The following SSUH2 variants were observed in gnomAD, a reference collection of about 807,000 sequenced individuals.
SSUH2 encodes protein SSUH2 homolog.
Under a neutral mutation model 55.3 loss-of-function variants are expected in SSUH2, and 47 were observed. The observed-to-expected ratio is 0.85, with a 90% CI of 0.67 to 1.08. The LOEUF is 1.08. SSUH2 is among the 50% of genes least tolerant of loss of function. SSUH2 has a pLI of 0.00. For missense variants in SSUH2, 535 were observed against 490.7 expected (o/e 1.09, Z -0.85); for synonymous variants, 212 against 191.5 (o/e 1.11, Z -0.89).
intron 5 of SSUH2, among the ~76,000 whole-genome samples, chr3:8,664,326 C>T (rs747775906): frequency 1.3e-5 from 2 of 152,222 alleles, no homozygotes; most frequent in Non-Finnish European, 2.9e-5. Flanking sequence ...ATCCATGGGG[C>T]AGGAATGCCA....
rs1415604211 is a variant in SSUH2, at chr3:8,629,656, T to TGACTCACCAGTGGTTCACAGAC, written c.588+7_588+8insGTCTGTGAACCACTGGTGAGTC. On this transcript the variant is annotated splice_region_variant and intron_variant, in intron 7 of 11. Coordinates refer to ENST00000544814, the MANE Select transcript of SSUH2 (RefSeq NM_001256748.3). ...CACTGACTCACCAGTGGTTCACAGA[T>TGACTCACCAGTGGTTCACAGAC]GACTCACCGTGCCCGCCCCGTGGCA... 1.2e-6 allele frequency: 2 copies of TGACTCACCAGTGGTTCACAGAC among 1,614,096 alleles called. No individual in the cohort carries two copies. Among genetic ancestry groups the TGACTCACCAGTGGTTCACAGAC allele is most frequent in the Non-Finnish European group, 1.7e-6 (2 of 1,179,986 alleles).
chr3:8,626,086 A>G (rs928644736), intron 9 of SSUH2, 143 bp downstream of exon 9: 8 of 707,954 alleles, frequency 1.1e-5, no homozygotes, highest in Non-Finnish European at 2.0e-5. Context: ...GCCTCTTCCA[A>G]GGGAATTCTC....
intron 4 of SSUH2, among the ~76,000 whole-genome samples, chr3:8,633,174 G>A (rs1445281114): frequency 8.5e-5 from 11 of 128,794 alleles, no homozygotes; most frequent in South Asian, 4.7e-4. Context: ...TTGGAGTTTC[G>A]TTCTTGTTGC....
intron 7 of SSUH2, among the ~76,000 whole-genome samples, chr3:8,655,550 G>A (rs1702851420): frequency 6.6e-6 from 1 of 152,078 alleles, no homozygotes; most frequent in Non-Finnish European, 1.5e-5. Flanking sequence ...ACAGTGGGTG[G>A]CTTCCCAAGG....
intron 1 of SSUH2, among the ~76,000 whole-genome samples, chr3:8,639,532 T>C (rs753802445): frequency 2.0e-5 from 3 of 152,208 alleles, no homozygotes; most frequent in Non-Finnish European, 4.4e-5. Context: ...AGGTGAATGT[T>C]GAGAAGACTT....
upstream of SSUH2, chr3:8,644,943 T>A: frequency 1.6e-6 from 1 of 638,218 alleles, no homozygotes; most frequent in South Asian, 1.8e-5. Flanking sequence ...CACCGGGTTC[T>A]GGGAGCTCCT....
At chr3:8,666,429 G>A (rs1248118932) in intron 5 of SSUH2, among the ~76,000 whole-genome samples, 7 of 152,098 alleles carry the variant, frequency 4.6e-5, no homozygotes, top group African/African-American at 1.4e-4. Context: ...CAGACCGTCA[G>A]GGAAGAAACA....
intron 7 of SSUH2, among the ~76,000 whole-genome samples, chr3:8,653,601 C>T (rs447497): frequency 0.79 from 119,608 of 152,190 alleles, 47,927 homozygotes; most frequent in South Asian, 0.88. Flanking sequence ...GCACACAATC[C>T]GGTTTAAATT....
chr3:8,662,568 T>C (rs527904580), intron 6 of SSUH2, among the ~76,000 whole-genome samples: 2 of 152,082 alleles, frequency 1.3e-5, no homozygotes, highest in South Asian at 2.1e-4. Flanking sequence ...GTTAGCAAAA[T>C]CAAGGAAGGA....
At position 8,681,072 on chromosome 3, in the gene SSUH2, C is replaced by T. The variant is rs1002875566; in HGVS notation, c.-1046+819G>A. On this transcript the variant is annotated intron_variant, in intron 1 of 18. Transcript: ENST00000317371. Reference sequence around the variant, plus strand: ...CCTCTTCCCCCGCTGGCTCTTAGGACTTCCATAGCAGGGGGGAGAGGCACC... The same window carrying T: ...CCTCTTCCCCCGCTGGCTCTTAGGATTTCCATAGCAGGGGGGAGAGGCACC... Among the ~76,000 whole-genome samples the T allele has an allele frequency of 1.5e-4, 15 of 100,322 alleles. No homozygotes were observed. In the Admixed American group the frequency reaches 1.7e-3, roughly 11 times the overall value. The allele number at this position is 100,322 out of a possible 152,430, so 65.8% of individuals were successfully genotyped here.
chr3:8,659,035 C>G (rs533175665), intron 6 of SSUH2: 1 of 152,304 alleles, frequency 6.6e-6, no homozygotes, highest in Admixed American at 6.5e-5. Context: ...AACTATGGTT[C>G]AGAGAGGTAA....
intron 6 of SSUH2, among the ~76,000 whole-genome samples, chr3:8,661,372 C>T (rs1043155072): frequency 2.0e-5 from 3 of 152,188 alleles, no homozygotes; most frequent in African/African-American, 7.2e-5. Flanking sequence ...CATTCTCTCA[C>T]GTATCCTTTT....
At chr3:8,642,211 G>A (rs746020997) in intron 1 of SSUH2, among the ~76,000 whole-genome samples, 6 of 152,188 alleles carry the variant, frequency 3.9e-5, no homozygotes, top group Non-Finnish European at 7.4e-5. Flanking sequence ...AAAAGATATG[G>A]TATATAGAAT....
intron 1 of SSUH2, 99 bp from the exon 2 acceptor site, chr3:8,635,956 A>G: frequency 9.5e-7 from 1 of 1,055,616 alleles, no homozygotes; most frequent in Non-Finnish European, 1.4e-6. Context: ...CATTATAAAA[A>G]GCCTCACGTT....
At chr3:8,643,149 A>C (rs1297744868) in intron 1 of SSUH2, among the ~76,000 whole-genome samples, 1 of 152,194 alleles carries the variant, frequency 6.6e-6, no homozygotes, top group Non-Finnish European at 1.5e-5. Flanking sequence ...TAGAGTCAAT[A>C]TTGACTCCAT....
rs377599490 is a variant in SSUH2, at chr3:8,678,307, GT to G, written c.-900-955del. Among the ~76,000 whole-genome samples, 697 of 152,170 alleles carry G rather than the reference GT, an allele frequency of 4.6e-3. 6 individuals are homozygous for G. The highest frequency in any genetic ancestry group is 0.016 in the African/African-American group (653 of 41,528). ...TGAATATTGGGAAGAATATCACAGG[GT>G]GGGTGTACACCTCGTGCTCTATTAT... On this transcript the variant is annotated intron_variant, in intron 2 of 18. Coordinates refer to the SSUH2 transcript ENST00000317371.
chr3:8,622,074 C>A (rs1696565204), intron 11 of SSUH2, among the ~76,000 whole-genome samples: 1 of 152,144 alleles, frequency 6.6e-6, no homozygotes, highest in African/African-American at 2.4e-5. Flanking sequence ...TGAGCCCCTG[C>A]AATAAGCAGA....
At chr3:8,650,439 GAATA>G (rs1386594233) in intron 7 of SSUH2, among the ~76,000 whole-genome samples, 3 of 152,180 alleles carry the variant, frequency 2.0e-5, no homozygotes, top group Non-Finnish European at 4.4e-5. Flanking sequence ...ATGAATGAAT[GAATA>G]AATAAATATA....
intron 3 of SSUH2, among the ~76,000 whole-genome samples, chr3:8,673,897 T>C (rs1023958868): frequency 3.9e-5 from 6 of 152,146 alleles, no homozygotes; most frequent in African/African-American, 1.4e-4. Flanking sequence ...GGAAAAGAAG[T>C]CCAGCACAAT....
Sources: gnomAD v4.1 joint callset for allele counts (sites outside exome capture counted in the v4.1 genomes callset) on GRCh38, gnomAD v4.1.1 for gene constraint, MANE v1.5 for transcripts, NCBI Gene and HGNC (gene_info 2026-07-23, HGNC 2026-07-21) for gene names.